The following PACSIN2 variants were observed in gnomAD, a reference collection of about 807,000 sequenced individuals.
PACSIN2 encodes protein kinase C and casein kinase substrate in neurons protein 2.
In PACSIN2, 25 loss-of-function variants were observed where a neutral mutation model predicts 63.8. The ratio of observed to expected loss-of-function variants is 0.39; its 90% CI spans 0.29 to 0.55. The LOEUF is 0.55. Among genes scored for constraint, PACSIN2 ranks in the 20% least tolerant of loss-of-function variants. The probability of loss-of-function intolerance (pLI) is 0.62; values close to 1 mark genes in which losing one functional copy is unlikely to be tolerated. For synonymous variants in PACSIN2, 255 were observed against 256.2 expected, an observed-to-expected ratio of 1.00 and a Z score of 0.05; for missense variants, 518 against 646.9, an observed-to-expected ratio of 0.80 and a Z score of 2.16.
intron 1 of PACSIN2, among the ~76,000 whole-genome samples, chr22:43,002,997 G>A (rs918334760): frequency 6.6e-6 from 1 of 152,196 alleles, no homozygotes; most frequent in Non-Finnish European, 1.5e-5. Context: ...TCTACAAACT[G>A]GATGGCCTTG....
chr22:42,962,183 CT>C (rs3046541), intron 1 of PACSIN2, among the ~76,000 whole-genome samples: 502 of 147,878 alleles, frequency 3.4e-3, no homozygotes, highest in Non-Finnish European at 5.4e-3. Flanking sequence ...TACCAGAAAA[CT>C]TTTTTTTTTT....
intron 1 of PACSIN2, among the ~76,000 whole-genome samples, chr22:42,932,181 T>A (rs114893618): frequency 0.012 from 1,835 of 152,284 alleles, 45 homozygotes; most frequent in African/African-American, 0.043. Context: ...CTTCTCTCTG[T>A]TTCTTCAACA....
At chr22:42,984,917 C>T (rs1314891751) in intron 1 of PACSIN2, among the ~76,000 whole-genome samples, 2 of 152,166 alleles carry the variant, frequency 1.3e-5, no homozygotes, top group Admixed American at 1.3e-4. Flanking sequence ...GTAGGCCCCA[C>T]CCCTAGTTTT....
At chr22:42,915,588 A>G (rs1172696082) in intron 1 of PACSIN2, among the ~76,000 whole-genome samples, 1 of 152,204 alleles carries the variant, frequency 6.6e-6, no homozygotes, top group Non-Finnish European at 1.5e-5. Flanking sequence ...ATTACTTAAG[A>G]GTTCATCTTA....
chr22:42,946,472 T>C (rs975244338), intron 1 of PACSIN2, among the ~76,000 whole-genome samples: 2 of 152,138 alleles, frequency 1.3e-5, no homozygotes, highest in Non-Finnish European at 1.5e-5. Context: ...CAAGAATCAC[T>C]TGAACCCAGG....
intron 1 of PACSIN2, among the ~76,000 whole-genome samples, chr22:42,919,905 C>A (rs1932071949): frequency 6.6e-6 from 1 of 150,980 alleles, no homozygotes; most frequent in Admixed American, 6.6e-5. Flanking sequence ...TCACTTGAGG[C>A]CACCCTGGGC....
intron 1 of PACSIN2, among the ~76,000 whole-genome samples, chr22:42,948,774 TAG>T (rs1601564908): frequency 1.3e-5 from 2 of 152,254 alleles, no homozygotes; most frequent in East Asian, 3.8e-4. Context: ...AGGTATCAGC[TAG>T]AGCCAAAGCA....
intron 7 of PACSIN2, among the ~76,000 whole-genome samples, chr22:42,881,006 C>T (rs912292431): frequency 1.3e-5 from 2 of 152,212 alleles, no homozygotes; most frequent in African/African-American, 2.4e-5. Flanking sequence ...CCTCTAGGGC[C>T]GCTTCCAGTC....
chr22:42,986,847 C>A (rs1922652078), intron 1 of PACSIN2, among the ~76,000 whole-genome samples: 1 of 152,146 alleles, frequency 6.6e-6, no homozygotes, highest in Non-Finnish European at 1.5e-5. Flanking sequence ...CTAAAAAAAC[C>A]TTCCCGAAAC....
intron 1 of PACSIN2, among the ~76,000 whole-genome samples, chr22:42,926,743 G>C (rs1043832984): frequency 3.3e-5 from 5 of 151,770 alleles, no homozygotes; most frequent in African/African-American, 1.2e-4. Context: ...GAGGTGGGAG[G>C]ACTGCTTGAG....
chr22:42,909,423 C>A, intron 2 of PACSIN2: 1 of 417,568 alleles, frequency 2.4e-6, no homozygotes, highest in South Asian at 1.7e-5. Context: ...AACTTGCTAC[C>A]TGCCTGGGAA....
intron 1 of PACSIN2, among the ~76,000 whole-genome samples, chr22:42,984,511 G>A (rs1270000789): frequency 1.3e-5 from 2 of 152,112 alleles, no homozygotes; most frequent in African/African-American, 2.4e-5. Context: ...CTGGAGATGA[G>A]GTGAAAACCC....
At chr22:42,938,426 A>G (rs1933002421) in intron 1 of PACSIN2, among the ~76,000 whole-genome samples, 1 of 152,236 alleles carries the variant, frequency 6.6e-6, no homozygotes, top group African/African-American at 2.4e-5. Flanking sequence ...GGCGTCAGAA[A>G]GAAGCCTGAC....
chr22:42,888,914 C>T, intron 4 of PACSIN2, 116 bp from the exon 5 acceptor site: 1 of 1,002,350 alleles, frequency 1.0e-6, no homozygotes, highest in South Asian at 1.4e-5. Flanking sequence ...AAGGCAGGTA[C>T]AAAATTGTAT....
chr22:42,930,522 A>G (rs1601537248), intron 1 of PACSIN2, among the ~76,000 whole-genome samples: 1 of 152,254 alleles, frequency 6.6e-6, no homozygotes, highest in African/African-American at 2.4e-5. Flanking sequence ...AACAAGGGAA[A>G]AAGTTATTCA....
rs1928150200 is a variant in PACSIN2 at position 42,871,749 on chromosome 22, G to A, written c.1349-280C>T. Among the ~76,000 whole-genome samples the A allele has an allele frequency of 6.6e-6, 1 of 152,158 alleles. No homozygotes were observed. ...GCTCCCACTGAGACTGCGGCATCCA[G>A]CTCCATAGGGCTGTGCCTTCCTCAC... On this transcript the variant is annotated intron_variant, in intron 10 of 10. Transcript: ENST00000263246. This position sits in a 1 kb window ranked among gnomAD's most constrained non-coding sequence, Gnocchi z 5.4.
intron 1 of PACSIN2, among the ~76,000 whole-genome samples, chr22:43,001,852 G>A (rs1370690189): frequency 2.6e-5 from 4 of 152,198 alleles, no homozygotes; most frequent in Non-Finnish European, 1.5e-5. Flanking sequence ...AAGCACTAAG[G>A]TCAGCTGGCC....
chr22:42,991,532 A>T (rs1246187557), intron 1 of PACSIN2, among the ~76,000 whole-genome samples: 3 of 152,226 alleles, frequency 2.0e-5, no homozygotes, highest in Non-Finnish European at 4.4e-5. Flanking sequence ...TGGCCCAGAG[A>T]AGAAGGAGAG....
At chr22:42,928,536 C>G (rs1932678753) in intron 1 of PACSIN2, among the ~76,000 whole-genome samples, 1 of 152,132 alleles carries the variant, frequency 6.6e-6, no homozygotes, top group Non-Finnish European at 1.5e-5. Context: ...ATGTGAAACT[C>G]CTTTAATATG....
Sources: allele counts gnomAD v4.1 joint callset (sites outside exome capture counted in the v4.1 genomes callset), GRCh38; gene constraint gnomAD v4.1.1; non-coding constraint Gnocchi (gnomAD v3.1); transcripts MANE v1.5; gene names NCBI Gene and HGNC (gene_info 2026-07-23, HGNC 2026-07-21).